Variants in PPCDC observed in about 807,000 individuals in gnomAD.
The protein encoded by PPCDC is phosphopantothenoylcysteine decarboxylase.
PPCDC carries 20 observed loss-of-function variants against 20.7 expected under a neutral mutation model. The ratio of observed to expected loss-of-function variants is 0.97; its 90% CI spans 0.68 to 1.41. The LOEUF (loss-of-function observed/expected upper bound fraction) is 1.41, where lower values mean the gene tolerates loss of function less well. PPCDC is among the 40% of genes most tolerant of loss of function. The pLI is 0.00. For missense variants in PPCDC, 246 were observed against 263.8 expected (o/e 0.93, Z 0.47); for synonymous variants, 88 against 100.3 (o/e 0.88, Z 0.73).
In PPCDC at chr15:75,039,910, G is replaced by A. The variant is rs146867886; in HGVS notation, c.136-3531G>A. Among the ~76,000 whole-genome samples, 1,282 of 151,350 alleles carry A rather than the reference G, an allele frequency of 8.5e-3. 107 individuals are homozygous for A. The East Asian group carries it at 0.21, about 25-fold the overall frequency. ...AGCGATTCTCCTGCCTCAGCCTCCCGAGTAGCTGGGATTACAGGCATGCGC... is the reference window on the plus strand; with the variant it reads ...AGCGATTCTCCTGCCTCAGCCTCCCAAGTAGCTGGGATTACAGGCATGCGC... On this transcript the variant is annotated intron_variant, in intron 2 of 5. Transcript: ENST00000342932.
intron 3 of PPCDC, among the ~76,000 whole-genome samples, chr15:75,043,959 T>A (rs1226182671): frequency 1.3e-5 from 2 of 152,128 alleles, no homozygotes; most frequent in African/African-American, 2.4e-5. Flanking sequence ...AGTGTGGGCC[T>A]CACAGGGGTT....
At position 75,028,317 on chromosome 15, in the gene PPCDC, A is replaced by G. The variant is rs372674594; in HGVS notation, c.-2A>G. ...CCAGAACTTGAAGCCACCAGACCCC[A>G]CATGGAACCAAAGGCCTCCTGTCCA... On this transcript the variant is annotated 5_prime_UTR_variant, in exon 2 of 6. Transcript: ENST00000342932. The G allele has an allele frequency of 6.2e-7, 1 of 1,613,946 alleles. No homozygotes were observed. The highest frequency in any genetic ancestry group is 8.5e-7 in the Non-Finnish European group (1 of 1,179,994).
chr15:75,032,889 C>T (rs1466565145), intron 2 of PPCDC, among the ~76,000 whole-genome samples: 1 of 152,172 alleles, frequency 6.6e-6, no homozygotes, highest in African/African-American at 2.4e-5. Flanking sequence ...TAGCCTTGAC[C>T]TCCCAGGCTC....
chr15:75,048,654 C>A lies in PPCDC; in HGVS notation c.462C>A (p.Asp154Glu), dbSNP rs1022179040. ...WEHPITAQQV[D>E]QLKAFGYVEI... The stretch of plus-strand genomic sequence containing the variant: ...ACCCGATCACAGCGCAGCAGGTAGA[C>A]CAGCTCAAGGCCTTTGGCTATGTCG... The change falls in exon 5 of 6, where the codon GAC (aspartate) becomes GAA (glutamate). Residue 154 changes from aspartate (D) to glutamate (E), a missense_variant. Transcript: ENST00000342932. 1.2e-5 allele frequency: 20 copies of A among 1,614,132 alleles called. No individual in the cohort carries two copies. Among genetic ancestry groups the A allele is most frequent in the Non-Finnish European group, 1.7e-5 (20 of 1,180,050 alleles).
chr15:75,049,051 G>A, intron 5 of PPCDC, 99 bp from the exon 6 acceptor site: 5 of 1,165,804 alleles, frequency 4.3e-6, no homozygotes, highest in Admixed American at 1.8e-5. Flanking sequence ...GCCCTCTCAG[G>A]CCTTGGGCTC....
At chr15:75,034,848 G>T (rs532504937) in intron 2 of PPCDC, among the ~76,000 whole-genome samples, 3 of 152,198 alleles carry the variant, frequency 2.0e-5, no homozygotes, top group Admixed American at 1.3e-4. Flanking sequence ...TACTAGAAAC[G>T]CCTGCTCTCC....
chr15:75,050,522 T>C lies in PPCDC; in HGVS notation c.*1287T>C, dbSNP rs1175279008. ...GAGGCTGGCTTCCTGCCCTCTGGCT[T>C]CCAGGCCAGGTGTGAGGGACATCCC... is the stretch of plus-strand genomic sequence containing the variant. On this transcript the variant is annotated 3_prime_UTR_variant, in exon 6 of 6. Transcript: ENST00000342932. 2.0e-5 allele frequency: 3 copies of C among 152,348 alleles called. No homozygotes were observed. Among genetic ancestry groups the C allele is most frequent in the Non-Finnish European group, 4.4e-5 (3 of 68,140 alleles). The allele number at this position is 152,348 out of a possible 1,614,324, so 9.4% of individuals were successfully genotyped here. A position where few individuals can be genotyped will look rare whatever the true frequency, so the allele number is the denominator to read the frequency against.
rs915108023 is a variant in PPCDC, at chr15:75,033,954, T to C, written c.135+5501T>C. Among the ~76,000 whole-genome samples, 6 of 152,144 alleles carry C rather than the reference T, an allele frequency of 3.9e-5. 1 individual carries two copies. The highest frequency in any genetic ancestry group is 3.9e-4 in the Admixed American group (6 of 15,276). ...GGGGAAGCACACAGAAGGGTTGGCATGAGGAGCTGACACAACCAGAACACC... is the reference window on the plus strand; with the variant it reads ...GGGGAAGCACACAGAAGGGTTGGCACGAGGAGCTGACACAACCAGAACACC... On this transcript the variant is annotated intron_variant, in intron 2 of 5. Transcript: ENST00000342932.
In PPCDC at chr15:75,049,554, A is replaced by C; in HGVS notation, c.*319A>C. 1.4e-5 allele frequency: 4 copies of C among 281,488 alleles called. No homozygotes were observed. Among genetic ancestry groups the C allele is most frequent in the East Asian group, 8.1e-5 (1 of 12,296 alleles). The allele number at this position is 281,488 out of a possible 1,614,324, so 17.4% of individuals were successfully genotyped here. On this transcript the variant is annotated 3_prime_UTR_variant, in exon 6 of 6. Coordinates refer to ENST00000342932, the MANE Select transcript of PPCDC (RefSeq NM_021823.5). ...CTGGGAAAACTCGGCTCTACATCTCACCCAGAACGGCTTTTAGAAACACCA... is the reference window on the plus strand; with the variant it reads ...CTGGGAAAACTCGGCTCTACATCTCCCCCAGAACGGCTTTTAGAAACACCA...
At chr15:75,044,152 A>G (rs1156572681) in intron 3 of PPCDC, among the ~76,000 whole-genome samples, 1 of 151,746 alleles carries the variant, frequency 6.6e-6, no homozygotes, top group Non-Finnish European at 1.5e-5. Flanking sequence ...TTGAAAGCCA[A>G]ACCATGAAGG....
chr15:75,046,658 G>A (rs188889200), intron 4 of PPCDC, among the ~76,000 whole-genome samples: 1 of 152,378 alleles, frequency 6.6e-6, no homozygotes, highest in Non-Finnish European at 1.5e-5. Context: ...TGTGGGCATT[G>A]GTGGCCTGTG....
chr15:75,039,310 CAGT>C (rs1049851753), intron 2 of PPCDC, among the ~76,000 whole-genome samples: 10 of 152,312 alleles, frequency 6.6e-5, no homozygotes, highest in Admixed American at 3.3e-4. Flanking sequence ...AGGACCCTAT[CAGT>C]AGTCTCCTGC....
At chr15:75,042,615 T>A (rs909028436) in intron 2 of PPCDC, among the ~76,000 whole-genome samples, 1 of 142,130 alleles carries the variant, frequency 7.0e-6, no homozygotes, top group Non-Finnish European at 1.5e-5. Flanking sequence ...ATCATACCAC[T>A]GCACTCCAGC....
At chr15:75,025,479 T>C (rs1234089382) in intron 1 of PPCDC, among the ~76,000 whole-genome samples, 1 of 152,224 alleles carries the variant, frequency 6.6e-6, no homozygotes, top group African/African-American at 2.4e-5. Flanking sequence ...AACTCTGCCC[T>C]GAATTAAACT....
At chr15:75,039,065 T>C (rs1266452048) in intron 2 of PPCDC, among the ~76,000 whole-genome samples, 3 of 152,184 alleles carry the variant, frequency 2.0e-5, no homozygotes, top group Non-Finnish European at 4.4e-5. Context: ...GGTTTCTATT[T>C]TCTGTTTGTT....
intron 2 of PPCDC, among the ~76,000 whole-genome samples, chr15:75,037,267 GT>G (rs915408993): frequency 5.3e-4 from 80 of 152,322 alleles, no homozygotes; most frequent in African/African-American, 1.8e-3. Context: ...CTGGAAAACA[GT>G]TAAGTGGAAG....
rs752060495 is a variant in PPCDC, at chr15:75,043,553, CT to C, written c.231+18del. 5.1e-6 allele frequency: 8 copies of C among 1,583,252 alleles called. No individual in the cohort carries two copies. The highest frequency in any genetic ancestry group is 8.6e-7 in the Non-Finnish European group (1 of 1,158,994). On this transcript the variant is annotated intron_variant, in intron 3 of 5. Coordinates refer to ENST00000342932, the MANE Select transcript of PPCDC (RefSeq NM_021823.5). ...GAATGGGAGGTCAGTGCTGGGGCCC[CT>C]GGGCTGAGTTCCATTGAGTTTCCAC... is the stretch of plus-strand genomic sequence containing the variant.
At chr15:75,032,724 A>C (rs893770461) in intron 2 of PPCDC, among the ~76,000 whole-genome samples, 2,331 of 96,322 alleles carry the variant, frequency 0.024, 13 homozygotes, top group Admixed American at 0.035. Flanking sequence ...AGCAAACTGG[A>C]CCCCCCCCCC....
intron 2 of PPCDC, among the ~76,000 whole-genome samples, chr15:75,038,088 T>C (rs1350952341): frequency 2.0e-5 from 3 of 152,214 alleles, no homozygotes; most frequent in South Asian, 4.1e-4. Context: ...GTTTATGTTT[T>C]GGATAGTAGA....
Sources: gnomAD v4.1 joint callset for allele counts (sites outside exome capture counted in the v4.1 genomes callset) on GRCh38, gnomAD v4.1.1 for gene constraint, MANE v1.5 for transcripts, NCBI Gene and HGNC (gene_info 2026-07-23, HGNC 2026-07-21) for gene names.